DACH2: variants seen among roughly 807,000 people sequenced by gnomAD.
DACH2 encodes dachshund homolog 2.
DACH2 carries 17 observed loss-of-function variants against 35.8 expected under a neutral mutation model. That is an observed-to-expected ratio of 0.48 (90% CI 0.33 to 0.71). The LOEUF is 0.71. Among genes scored for constraint, DACH2 ranks in the 30% least tolerant of loss-of-function variants. DACH2 has a pLI of 0.02. For synonymous variants in DACH2, 195 were observed against 177.3 expected (o/e 1.10, Z -0.79); for missense variants, 469 against 472.7 (o/e 0.99, Z 0.07).
chrX:86,638,031 C>A (rs1257786664), intron 3 of DACH2, among the ~76,000 whole-genome samples: 2 of 101,106 alleles, frequency 2.0e-5, no homozygotes, highest in Non-Finnish European at 4.2e-5. Context: ...GGTACACTAA[C>A]GAAAACAATA....
chrX:86,648,435 A>C (rs1413246209), intron 3 of DACH2, among the ~76,000 whole-genome samples: 3 of 111,180 alleles, frequency 2.7e-5, no homozygotes, highest in Non-Finnish European at 3.8e-5. Context: ...TGCTATTCTA[A>C]ATCTATCAGT....
At chrX:86,429,767 T>C (rs1369927253) in intron 2 of DACH2, among the ~76,000 whole-genome samples, 1 of 111,206 alleles carries the variant, frequency 9.0e-6, no homozygotes, top group Non-Finnish European at 1.9e-5. Flanking sequence ...TTTGCCATGT[T>C]GGCCAGGCTG....
At chrX:86,219,926 C>T (rs1055302080) in intron 1 of DACH2, among the ~76,000 whole-genome samples, 5 of 102,843 alleles carry the variant, frequency 4.9e-5, no homozygotes, top group Non-Finnish European at 5.9e-5. Context: ...GAGGCCAAGG[C>T]GGGCAGGATC....
At chrX:86,198,041 G>T (rs1048201770) in intron 1 of DACH2, among the ~76,000 whole-genome samples, 2 of 111,324 alleles carry the variant, frequency 1.8e-5, no homozygotes, top group African/African-American at 6.5e-5. Flanking sequence ...AAGGCCAAAA[G>T]AACTGAAATC....
chrX:86,501,796 A>G (rs192922154), intron 2 of DACH2, among the ~76,000 whole-genome samples: 141 of 111,916 alleles, frequency 1.3e-3, no homozygotes, highest in African/African-American at 4.4e-3. Flanking sequence ...TTGTAAAAAT[A>G]TTCAGTGTGC....
chrX:86,224,778 G>T (rs1395238310), intron 1 of DACH2, among the ~76,000 whole-genome samples: 1 of 111,385 alleles, frequency 9.0e-6, no homozygotes, highest in Non-Finnish European at 1.9e-5. Flanking sequence ...ACAGGAAAAT[G>T]CATGATCATC....
intron 1 of DACH2, among the ~76,000 whole-genome samples, chrX:86,253,032 A>T (rs1183421939): frequency 4.5e-5 from 5 of 110,720 alleles, no homozygotes; most frequent in Non-Finnish European, 9.5e-5. Flanking sequence ...GACTCCTCCA[A>T]AAGGCCCCTA....
chrX:86,282,053 A>G (rs1295424971), intron 1 of DACH2, among the ~76,000 whole-genome samples: 1 of 112,464 alleles, frequency 8.9e-6, no homozygotes, highest in Admixed American at 9.4e-5. Flanking sequence ...AAGAATGAAT[A>G]TCGTGAAAAT....
At chrX:86,785,954 T>A (rs1332543547) in intron 7 of DACH2, among the ~76,000 whole-genome samples, 4 of 111,570 alleles carry the variant, frequency 3.6e-5, no homozygotes, top group Non-Finnish European at 7.5e-5. Flanking sequence ...ATGATTCCTA[T>A]CTCAGAATTC....
intron 1 of DACH2, among the ~76,000 whole-genome samples, chrX:86,359,151 T>A (rs2035696931): frequency 1.8e-5 from 2 of 109,110 alleles, no homozygotes; most frequent in African/African-American, 6.7e-5. Flanking sequence ...AAAGAGTGCC[T>A]TTAATTTCTT....
intron 1 of DACH2, among the ~76,000 whole-genome samples, chrX:86,212,511 G>C (rs1211347257): frequency 9.0e-6 from 1 of 110,810 alleles, no homozygotes; most frequent in Non-Finnish European, 1.9e-5. Flanking sequence ...GGAGTTTTTT[G>C]ATTTATCAAG....
At chrX:86,371,420 A>G (rs1227975374) in intron 1 of DACH2, among the ~76,000 whole-genome samples, 5 of 110,634 alleles carry the variant, frequency 4.5e-5, no homozygotes, top group Non-Finnish European at 9.5e-5. Flanking sequence ...ATAATTACAG[A>G]AAAAAAATTC....
intron 1 of DACH2, among the ~76,000 whole-genome samples, chrX:86,283,918 A>G (rs2034091355): frequency 9.0e-6 from 1 of 111,071 alleles, no homozygotes; most frequent in Non-Finnish European, 1.9e-5. Flanking sequence ...ACATATATAT[A>G]TATGAAATCC....
rs577933523 is a variant in DACH2 at position 86,399,569 on chromosome X, C to A, written c.527+22707C>A. Reference sequence around the variant, plus strand: ...GCTTCCTTCAGGAGCTCTTTTAGGGCAGGTCTGGTGTGACAGAATCTCTCA... The same window carrying A: ...GCTTCCTTCAGGAGCTCTTTTAGGGAAGGTCTGGTGTGACAGAATCTCTCA... On this transcript the variant is annotated intron_variant, in intron 2 of 11. Coordinates refer to ENST00000373125, the MANE Select transcript of DACH2 (RefSeq NM_053281.3). Among the ~76,000 whole-genome samples the A allele has an allele frequency of 3.6e-3, 405 of 111,792 alleles. 2 individuals are homozygous for A. Among genetic ancestry groups the A allele is most frequent in the Non-Finnish European group, 6.1e-3 (323 of 53,177 alleles).
At chrX:86,688,147 A>T (rs1415427008) in intron 4 of DACH2, among the ~76,000 whole-genome samples, 1 of 112,316 alleles carries the variant, frequency 8.9e-6, no homozygotes, top group East Asian at 2.8e-4. Flanking sequence ...CATTTCTTAG[A>T]ACCCTTTGAA....
At chrX:86,420,450 G>A (rs2036782872) in intron 2 of DACH2, among the ~76,000 whole-genome samples, 1 of 111,454 alleles carries the variant, frequency 9.0e-6, no homozygotes. Flanking sequence ...TTTAGAGAGG[G>A]CTTTGTTAAA....
chrX:86,574,743 A>G (rs1031144994), intron 3 of DACH2, among the ~76,000 whole-genome samples: 1 of 111,724 alleles, frequency 9.0e-6, no homozygotes, highest in Non-Finnish European at 1.9e-5. Flanking sequence ...ATCTATTTTA[A>G]TATGCCCTTA....
chrX:86,539,556 G>A (rs12687918), intron 3 of DACH2, among the ~76,000 whole-genome samples: 15,354 of 110,813 alleles, frequency 0.14, 918 homozygotes, highest in East Asian at 0.24. Flanking sequence ...TGTTGCTCAT[G>A]ATACTTTCTC....
At chrX:86,286,005 G>A (rs1403667426) in intron 1 of DACH2, among the ~76,000 whole-genome samples, 1 of 104,740 alleles carries the variant, frequency 9.5e-6, no homozygotes, top group East Asian at 3.0e-4. Context: ...TGCCTTGGAT[G>A]GCATATCTTT....
Sources: allele counts gnomAD v4.1 joint callset (sites outside exome capture counted in the v4.1 genomes callset), GRCh38; gene constraint gnomAD v4.1.1; transcripts MANE v1.5; gene names NCBI Gene and HGNC (gene_info 2026-07-23, HGNC 2026-07-21).